Variants in PLCE1 observed in about 807,000 individuals in gnomAD.
PLCE1 encodes phospholipase C epsilon 1.
Under a neutral mutation model 242.8 loss-of-function variants are expected in PLCE1, and 119 were observed. The observed-to-expected ratio is 0.49, with a 90% confidence interval of 0.42 to 0.57. The LOEUF (loss-of-function observed/expected upper bound fraction) is 0.57, where lower values mean the gene tolerates loss of function less well. PLCE1 is among the 20% of genes least tolerant of loss of function. PLCE1 has a pLI of 0.00. For missense variants in PLCE1, 2,441 were observed against 2,788.8 expected (o/e 0.88, Z 2.81); for synonymous variants, 945 against 1,017.4 (o/e 0.93, Z 1.35).
intron 2 of PLCE1, among the ~76,000 whole-genome samples, chr10:94,059,291 C>T (rs1434517206): frequency 1.3e-5 from 2 of 152,116 alleles, no homozygotes; most frequent in African/African-American, 4.8e-5. Flanking sequence ...AGAGAATTGC[C>T]ACAAAAACTG....
chr10:94,010,105 T>A (rs2061139119), intron 1 of PLCE1, among the ~76,000 whole-genome samples: 1 of 152,220 alleles, frequency 6.6e-6, no homozygotes, highest in African/African-American at 2.4e-5. Flanking sequence ...ATACATCCTC[T>A]GAAATCTAGG....
At chr10:94,101,444 G>A (rs1395665446) in intron 2 of PLCE1, among the ~76,000 whole-genome samples, 1 of 152,196 alleles carries the variant, frequency 6.6e-6, no homozygotes, top group African/African-American at 2.4e-5. Context: ...TTTAAGAAGA[G>A]ACATCTTTGA....
chr10:94,077,792 G>A (rs12261311), intron 2 of PLCE1, among the ~76,000 whole-genome samples: 4,408 of 152,086 alleles, frequency 0.029, 223 homozygotes, highest in African/African-American at 0.098. Flanking sequence ...CAAAAAAACA[G>A]TGTTGGAATA....
intron 2 of PLCE1, among the ~76,000 whole-genome samples, chr10:94,060,824 G>A (rs1288644372): frequency 6.6e-6 from 1 of 151,424 alleles, no homozygotes; most frequent in African/African-American, 2.4e-5. Context: ...ATCTTCCCAA[G>A]TAGCTGGGAC....
At chr10:94,297,095 T>C (rs2052851850) in intron 23 of PLCE1, among the ~76,000 whole-genome samples, 1 of 152,154 alleles carries the variant, frequency 6.6e-6, no homozygotes, top group Admixed American at 6.5e-5. Flanking sequence ...CTCGAACTCT[T>C]GACCTCTGGT....
intron 4 of PLCE1, among the ~76,000 whole-genome samples, chr10:94,198,403 T>G (rs1480964480): frequency 6.6e-6 from 1 of 152,254 alleles, no homozygotes; most frequent in Non-Finnish European, 1.5e-5. Context: ...AACCTTTCTT[T>G]TCATCCTCCC....
intron 4 of PLCE1, among the ~76,000 whole-genome samples, chr10:94,202,325 T>C (rs1453671897): frequency 6.8e-6 from 1 of 146,432 alleles, no homozygotes; most frequent in African/African-American, 2.5e-5. Context: ...ACCAAGATAA[T>C]AGTGATGCCT....
chr10:94,246,717 C>G, intron 8 of PLCE1, 96 bp downstream of exon 8: 1 of 1,120,244 alleles, frequency 8.9e-7, no homozygotes, highest in Admixed American at 2.0e-5. Context: ...CCAGCTCTGA[C>G]AGTTACTACC....
At position 94,236,104 on chromosome 10, in the gene PLCE1, G is replaced by A. The variant is rs776201612; in HGVS notation, c.2404G>A (p.Asp802Asn). 3 of 1,613,576 alleles carry A rather than the reference G, an allele frequency of 1.9e-6. No homozygotes were observed. The East Asian group carries it at 6.7e-5, about 36-fold the overall frequency. The change falls in exon 7 of 33, where the codon GAT becomes AAT. Residue 802 changes from aspartate to asparagine, a missense_variant. Around this residue, in one of 5 missense-constraint regions of PLCE1, gnomAD observed 733 missense variants for 754.2 expected, o/e 0.97. Coordinates refer to ENST00000371380, the MANE Select transcript of PLCE1 (RefSeq NM_016341.4). Reference protein sequence around the residue: ...GNSSRKSSLKDKSRWQFIIGD... With the variant: ...GNSSRKSSLKNKSRWQFIIGD... Reference sequence around the variant, plus strand: ...CAGCTCCAGGAAAAGCTCCTTGAAGGATAAAAGCCGATGGCAGTAAGTTTT... The same window carrying A: ...CAGCTCCAGGAAAAGCTCCTTGAAGAATAAAAGCCGATGGCAGTAAGTTTT...
At chr10:94,134,190 T>C (rs2046695456) in intron 3 of PLCE1, among the ~76,000 whole-genome samples, 1 of 151,204 alleles carries the variant, frequency 6.6e-6, no homozygotes. Context: ...AGCCTCTGCC[T>C]CCCAAGTTCA....
chr10:94,174,519 A>G (rs749815405), intron 4 of PLCE1, among the ~76,000 whole-genome samples: 8 of 152,204 alleles, frequency 5.3e-5, no homozygotes, highest in Non-Finnish European at 7.3e-5. Flanking sequence ...AAAGGGGAAA[A>G]TAGAACAGTG....
intron 2 of PLCE1, among the ~76,000 whole-genome samples, chr10:94,053,813 T>C (rs2043830658): frequency 6.6e-6 from 1 of 152,250 alleles, no homozygotes; most frequent in Non-Finnish European, 1.5e-5. Flanking sequence ...AGTCGCTGAA[T>C]GAAGTTGAAA....
intron 3 of PLCE1, among the ~76,000 whole-genome samples, chr10:94,161,742 A>G (rs866432879): frequency 6.6e-5 from 10 of 152,188 alleles, no homozygotes; most frequent in African/African-American, 2.2e-4. Flanking sequence ...CCAGTTTTCA[A>G]AGGGAATGCT....
intron 19 of PLCE1, chr10:94,279,527 T>C: frequency 2.0e-6 from 1 of 511,830 alleles, no homozygotes; most frequent in South Asian, 2.2e-5. Flanking sequence ...GGAACCTGGC[T>C]AGCTGGGCAC....
chr10:94,265,511 T>C (rs1230294548), intron 14 of PLCE1, 136 bp from the exon 15 acceptor site: 12 of 767,354 alleles, frequency 1.6e-5, no homozygotes, highest in Non-Finnish European at 2.2e-5. Context: ...ACCACTACGT[T>C]ACTAAATTAG....
chr10:94,214,174 A>G (rs1300007478), intron 4 of PLCE1, among the ~76,000 whole-genome samples: 2 of 152,248 alleles, frequency 1.3e-5, no homozygotes, highest in Non-Finnish European at 2.9e-5. Flanking sequence ...TGCATAAAAC[A>G]TTGCAGCCAA....
intron 2 of PLCE1, among the ~76,000 whole-genome samples, chr10:94,085,448 G>A (rs972485344): frequency 2.6e-5 from 4 of 152,086 alleles, no homozygotes; most frequent in South Asian, 2.1e-4. Flanking sequence ...AATCTGTGGC[G>A]TCTCAGAGGC....
At chr10:94,132,842 C>T (rs1361244516) in intron 3 of PLCE1, among the ~76,000 whole-genome samples, 9 of 150,186 alleles carry the variant, frequency 6.0e-5, no homozygotes, top group Non-Finnish European at 1.0e-4. Context: ...CCCAGTTACT[C>T]GGGAGGCTGA....
chr10:94,000,088 G>A (rs771621450), intron 1 of PLCE1, among the ~76,000 whole-genome samples: 16 of 152,110 alleles, frequency 1.1e-4, no homozygotes, highest in Non-Finnish European at 1.2e-4. Flanking sequence ...GATCTCTATC[G>A]TTTACTTCGG....
Sources: allele counts gnomAD v4.1 joint callset (sites outside exome capture counted in the v4.1 genomes callset), GRCh38; gene constraint gnomAD v4.1.1; regional missense constraint gnomAD v4.1.1; transcripts MANE v1.5; gene names NCBI Gene and HGNC (gene_info 2026-07-23, HGNC 2026-07-21).